Variants in COL4A1 observed in about 807,000 individuals in gnomAD.
COL4A1 encodes the protein collagen alpha-1(IV) chain.
COL4A1 carries 40 observed loss-of-function variants against 216.6 expected under a neutral mutation model. The ratio of observed to expected loss-of-function variants is 0.18; its 90% CI spans 0.14 to 0.24. The LOEUF is 0.24. COL4A1 is among the 10% of genes least tolerant of loss of function. COL4A1 has a pLI of 1.00. For missense variants in COL4A1, 1,628 were observed against 2,196.8 expected, an observed-to-expected ratio of 0.74 and a Z score of 5.18; for synonymous variants, 839 against 810.7, an observed-to-expected ratio of 1.03 and a Z score of -0.59.
chr13:110,227,306 CAT>C (rs1310113116), intron 2 of COL4A1, among the ~76,000 whole-genome samples: 14 of 151,166 alleles, frequency 9.3e-5, no homozygotes, highest in Admixed American at 9.2e-4. Context: ...AGTATATAAA[CAT>C]GTTACACTTT....
At chr13:110,225,833 C>T (rs983989481) in intron 2 of COL4A1, among the ~76,000 whole-genome samples, 2 of 152,154 alleles carry the variant, frequency 1.3e-5, no homozygotes, top group Admixed American at 6.5e-5. Context: ...CTGGCTCCAG[C>T]GCCAACCCCT....
intron 28 of COL4A1, among the ~76,000 whole-genome samples, chr13:110,182,028 C>G (rs1192866259): frequency 6.6e-6 from 1 of 152,230 alleles, no homozygotes; most frequent in African/African-American, 2.4e-5. Flanking sequence ...GGTCTGTCCT[C>G]CTCACTGCCA....
In COL4A1 at chr13:110,150,352, G is replaced by A. The variant is rs1876440120; in HGVS notation, c.*11C>T. On this transcript the variant is annotated 3_prime_UTR_variant, in exon 52 of 52. Transcript: ENST00000375820. The stretch of plus-strand genomic sequence containing the variant: ...AGCACCATGTTGTGACATTAGCTGA[G>A]TCAGGCTTCATTATGTTCTTCTCAT... 10 of 1,612,864 alleles carry A rather than the reference G, an allele frequency of 6.2e-6. No individual in the cohort carries two copies. The highest frequency in any genetic ancestry group is 8.5e-6 in the Non-Finnish European group (10 of 1,179,256).
chr13:110,261,034 C>T (rs1351947480), intron 1 of COL4A1, among the ~76,000 whole-genome samples: 1 of 354 alleles, frequency 2.8e-3, no homozygotes, highest in African/African-American at 7.9e-3. Flanking sequence ...GAGACTCCGT[C>T]TCAAAAAAAA....
chr13:110,260,162 A>G (rs368559061), intron 1 of COL4A1, among the ~76,000 whole-genome samples: 36 of 152,190 alleles, frequency 2.4e-4, no homozygotes, highest in Middle Eastern at 6.8e-3. Flanking sequence ...GGTTTAATGA[A>G]CTCACAGTTC....
intron 1 of COL4A1, among the ~76,000 whole-genome samples, chr13:110,304,699 G>C (rs571088549): frequency 2.0e-5 from 3 of 152,194 alleles, no homozygotes; most frequent in African/African-American, 7.2e-5. Context: ...CCATGAGTAC[G>C]TAAACAATAT....
At chr13:110,224,192 T>C (rs956676383) in intron 2 of COL4A1, among the ~76,000 whole-genome samples, 2 of 151,742 alleles carry the variant, frequency 1.3e-5, no homozygotes, top group African/African-American at 4.8e-5. Flanking sequence ...TGAAGTTCCA[T>C]GAAATTTATC....
chr13:110,206,568 C>T (rs1700214625), intron 15 of COL4A1, 97 bp downstream of exon 15: 2 of 1,368,758 alleles, frequency 1.5e-6, no homozygotes, highest in Admixed American at 1.7e-5. Flanking sequence ...CTAGAAGTCC[C>T]TACGAGCCTT....
At chr13:110,286,290 A>G (rs894798925) in intron 1 of COL4A1, among the ~76,000 whole-genome samples, 1 of 152,182 alleles carries the variant, frequency 6.6e-6, no homozygotes, top group Non-Finnish European at 1.5e-5. Flanking sequence ...GCCAATAACC[A>G]TCTGGTTTAT....
At chr13:110,265,257 C>T (rs1254623093) in intron 1 of COL4A1, 2 of 152,216 alleles carry the variant, frequency 1.3e-5, no homozygotes, top group African/African-American at 4.8e-5. Flanking sequence ...GACTGCAATA[C>T]GATTTTGGTT....
chr13:110,280,483 T>A (rs999296992), intron 1 of COL4A1, among the ~76,000 whole-genome samples: 12 of 152,270 alleles, frequency 7.9e-5, no homozygotes, highest in African/African-American at 2.9e-4. Context: ...AAAACAATTC[T>A]ATGCTTGTAT....
At chr13:110,238,061 G>T (rs1005430242) in intron 2 of COL4A1, among the ~76,000 whole-genome samples, 3 of 152,328 alleles carry the variant, frequency 2.0e-5, no homozygotes, top group East Asian at 3.9e-4. Flanking sequence ...AAGCAGTCTT[G>T]GTTGTTCTAT....
intron 1 of COL4A1, among the ~76,000 whole-genome samples, chr13:110,243,515 C>T (rs1881655037): frequency 6.6e-6 from 1 of 152,176 alleles, no homozygotes; most frequent in Non-Finnish European, 1.5e-5. Flanking sequence ...GATGGGGTTT[C>T]ATCATGTTGA....
At chr13:110,253,259 AGGTATATATACATATAATTATATG>A (rs1882277010) in intron 1 of COL4A1, among the ~76,000 whole-genome samples, 1 of 138,260 alleles carries the variant, frequency 7.2e-6, no homozygotes, top group African/African-American at 2.7e-5. Flanking sequence ...ACATATAATT[AGGTATATATACATATAATTATATG>A]TATTACATAT....
At chr13:110,235,776 A>G (rs532686833) in intron 2 of COL4A1, among the ~76,000 whole-genome samples, 1 of 152,286 alleles carries the variant, frequency 6.6e-6, no homozygotes, top group South Asian at 2.1e-4. Flanking sequence ...ATAACAAGGA[A>G]TAACAGGAGA....
chr13:110,192,843 G>A lies in COL4A1; in HGVS notation c.1452C>T (p.Pro484=), dbSNP rs769004525. 3 of 1,613,794 alleles carry A rather than the reference G, an allele frequency of 1.9e-6. No homozygotes were observed. The highest frequency in any genetic ancestry group is 2.5e-6 in the Non-Finnish European group (3 of 1,179,918). Residue 484 remains proline, a synonymous_variant, in exon 23 of 52, where the codon CCC becomes CCT. Transcript: ENST00000375820. ...TGTGGGTCTTACCTATTTCTCCCGG[G>A]GGTCCCTGTGGCCCGGGAGGCCCCC... ...GYRGPPGPQG[P]PGEIGFPGQP...
chr13:110,281,136 T>C (rs1883618210), intron 1 of COL4A1, among the ~76,000 whole-genome samples: 1 of 152,214 alleles, frequency 6.6e-6, no homozygotes. Context: ...TCAACTGGCT[T>C]GTGTAAGCCA....
At chr13:110,150,486 C>A (rs1284419760) in intron 51 of COL4A1, 42 bp from the exon 52 acceptor site, 1 of 1,587,808 alleles carries the variant, frequency 6.3e-7, no homozygotes, top group Admixed American at 1.7e-5. Flanking sequence ...CATCATCTCA[C>A]AGCACGTCAG....
chr13:110,229,335 A>G (rs1380662618), intron 2 of COL4A1, among the ~76,000 whole-genome samples: 1 of 152,202 alleles, frequency 6.6e-6, no homozygotes, highest in Non-Finnish European at 1.5e-5. Flanking sequence ...GGACACTAAC[A>G]TTTAGAAGGG....
Sources: allele counts gnomAD v4.1 joint callset (sites outside exome capture counted in the v4.1 genomes callset), GRCh38; gene constraint gnomAD v4.1.1; transcripts MANE v1.5; gene names NCBI Gene and HGNC (gene_info 2026-07-23, HGNC 2026-07-21).